FBN2: variants seen among roughly 807,000 people sequenced by gnomAD.
FBN2 encodes the protein fibrillin-2.
A neutral mutation model predicts 355.6 loss-of-function variants in FBN2; 105 were observed. The observed-to-expected ratio is 0.30, with a 90% confidence interval of 0.25 to 0.35. The LOEUF is 0.35. Among genes scored for constraint, FBN2 ranks in the 10% least tolerant of loss-of-function variants. The pLI is 1.00. For missense variants in FBN2, 3,280 were observed against 3,758.7 expected (o/e 0.87, Z 3.33); for synonymous variants, 1,350 against 1,301.2 (o/e 1.04, Z -0.81).
rs933815744 is a variant in FBN2 at position 128,357,182 on chromosome 5, G to T, written c.2674+94C>A. ...CATAATGTGTAATTCTTTGCTTTTT[G>T]GAATCATATTCTGTTTTTATCCGTA... On this transcript the variant is annotated intron_variant, in intron 20 of 64. Transcript: ENST00000262464. 4.7e-6 allele frequency: 7 copies of T among 1,499,350 alleles called. No individual in the cohort carries two copies. The African/African-American group carries it at 9.7e-5, about 21-fold the overall frequency. 92.9% of individuals were successfully genotyped at this position (1,499,350 alleles called of 1,614,324 possible).
intron 7 of FBN2, among the ~76,000 whole-genome samples, chr5:128,432,602 C>A (rs1753654105): frequency 6.6e-6 from 1 of 152,276 alleles, no homozygotes; most frequent in East Asian, 1.9e-4. Flanking sequence ...AAGCCCTGAT[C>A]TAGAAGAACT....
chr5:128,458,326 A>G (rs1754460356), intron 6 of FBN2, among the ~76,000 whole-genome samples: 1 of 152,124 alleles, frequency 6.6e-6, no homozygotes, highest in African/African-American at 2.4e-5. Context: ...TTAGAGGCCT[A>G]TAAAGAGACT....
At position 128,534,761 on chromosome 5, in the gene FBN2, G is replaced by T. The variant is rs542595764; in HGVS notation, c.337+1641C>A. On this transcript the variant is annotated intron_variant, in intron 2 of 64. Coordinates refer to ENST00000262464, the MANE Select transcript of FBN2 (RefSeq NM_001999.4). ...TACTGCAAATATTCTGGAAGGCTCT[G>T]CTCTCTGGAATTCCCATTCCACACT... Among the ~76,000 whole-genome samples, 11 of 152,300 alleles carry T rather than the reference G, an allele frequency of 7.2e-5. 1 individual carries two copies. In the South Asian group the frequency reaches 2.3e-3, roughly 32 times the overall value.
At chr5:128,471,588 T>G (rs917329701) in intron 5 of FBN2, among the ~76,000 whole-genome samples, 19 of 152,256 alleles carry the variant, frequency 1.2e-4, no homozygotes, top group Non-Finnish European at 2.8e-4. Flanking sequence ...GTGCAAATAT[T>G]ATGTACCTGT....
intron 6 of FBN2, among the ~76,000 whole-genome samples, chr5:128,456,869 A>G (rs1215016139): frequency 6.6e-6 from 1 of 152,098 alleles, no homozygotes; most frequent in African/African-American, 2.4e-5. Context: ...AAAATCCTAA[A>G]AACACAAAAG....
intron 19 of FBN2, among the ~76,000 whole-genome samples, chr5:128,358,285 A>G (rs1581239193): frequency 6.6e-6 from 1 of 152,274 alleles, no homozygotes; most frequent in East Asian, 1.9e-4. Flanking sequence ...TTAAAGTGGT[A>G]CACTTTAAAG....
At chr5:128,274,874 C>A (rs888540089) in intron 59 of FBN2, among the ~76,000 whole-genome samples, 191 bp from the exon 60 acceptor site, 1 of 152,124 alleles carries the variant, frequency 6.6e-6, no homozygotes, top group Non-Finnish European at 1.5e-5. Context: ...ATAAATATTA[C>A]GGGCTAGGAT....
intron 8 of FBN2, among the ~76,000 whole-genome samples, chr5:128,399,006 G>C (rs994049939): frequency 3.3e-5 from 5 of 152,082 alleles, no homozygotes; most frequent in East Asian, 3.9e-4. Context: ...GCCCAGTCTC[G>C]GGTATGTCTT....
intron 46 of FBN2, 110 bp from the exon 47 acceptor site, chr5:128,301,620 A>G (rs773688145): frequency 3.9e-6 from 4 of 1,018,250 alleles, no homozygotes; most frequent in Non-Finnish European, 6.1e-6. Context: ...AAGAAATCCC[A>G]TATTACAACT....
intron 56 of FBN2, among the ~76,000 whole-genome samples, chr5:128,279,119 T>G (rs1336111051): frequency 6.6e-6 from 1 of 152,178 alleles, no homozygotes; most frequent in Non-Finnish European, 1.5e-5. Context: ...GACCTACCAT[T>G]TCTGTAGAAT....
chr5:128,309,379 A>G lies in FBN2; in HGVS notation c.5221T>C (p.Tyr1741His). 6.2e-7 allele frequency: 1 copy of G among 1,614,042 alleles called. No homozygotes were observed. The highest frequency in any genetic ancestry group is 8.5e-7 in the Non-Finnish European group (1 of 1,179,894). ...NCMDMRKSFC[Y>H]RSYNGTTCEN... is the part of the protein sequence containing the mutation. ...CAAGTGGTTCCATTATAGCTTCGGT[A>G]GCAAAAGCTTTTTCTCATGTCTATA... The change falls in exon 41 of 65, where the codon TAC (tyrosine) becomes CAC (histidine). Residue 1741 changes from tyrosine (Y) to histidine (H), a missense_variant. Physicochemically the swap from Tyr to His is moderately conservative, Grantham distance 83 (BLOSUM62 2). Around this residue, in one of 6 missense-constraint regions of FBN2, gnomAD observed 2,284 missense variants for 2,749.5 expected, o/e 0.83. Coordinates refer to ENST00000262464, the MANE Select transcript of FBN2 (RefSeq NM_001999.4).
intron 47 of FBN2, among the ~76,000 whole-genome samples, 164 bp downstream of exon 47, chr5:128,301,218 T>A (rs1055244168): frequency 9.9e-5 from 15 of 152,236 alleles, no homozygotes; most frequent in African/African-American, 3.6e-4. Flanking sequence ...GACATTCCCA[T>A]TGTTGATACC....
intron 7 of FBN2, among the ~76,000 whole-genome samples, chr5:128,421,695 G>T (rs931928001): frequency 6.6e-6 from 1 of 152,030 alleles, no homozygotes; most frequent in Non-Finnish European, 1.5e-5. Flanking sequence ...AGTCCTAAGG[G>T]GATATATTCA....
chr5:128,499,221 T>C (rs1407822733), intron 5 of FBN2, among the ~76,000 whole-genome samples: 1 of 152,146 alleles, frequency 6.6e-6, no homozygotes, highest in Non-Finnish European at 1.5e-5. Flanking sequence ...TTCAAAATAA[T>C]CTAGTAGTAA....
rs141505866 is a variant in FBN2, at chr5:128,334,825, T to C, written c.3993A>G (p.Leu1331=). ...KTCIDVNECD[L]NSNICMFGEC... Reference sequence around the variant, plus strand: ...CCCCAAACATGCAGATATTTGAATTTAGGTCACATTCATTGACATCTAGAA... The same window carrying C: ...CCCCAAACATGCAGATATTTGAATTCAGGTCACATTCATTGACATCTAGAA... The change falls in exon 31 of 65, where the codon CTA becomes CTG. Residue 1331 remains leucine (L), a synonymous_variant. Transcript: ENST00000262464. 3.7e-5 allele frequency: 59 copies of C among 1,612,544 alleles called. No individual in the cohort carries two copies. The highest frequency in any genetic ancestry group is 4.8e-5 in the Non-Finnish European group (56 of 1,178,640).
intron 62 of FBN2, among the ~76,000 whole-genome samples, chr5:128,270,357 G>A (rs1765236018): frequency 2.0e-5 from 3 of 151,818 alleles, no homozygotes; most frequent in African/African-American, 4.8e-5. Flanking sequence ...GTGAAACCCC[G>A]TTTCTACTAA....
chr5:128,498,007 A>G (rs775460584), intron 5 of FBN2, among the ~76,000 whole-genome samples: 2 of 152,164 alleles, frequency 1.3e-5, no homozygotes, highest in Non-Finnish European at 2.9e-5. Context: ...CTCTGTCCTG[A>G]GGAGGACTGT....
rs763595235 is a variant in FBN2, at chr5:128,335,218, G to A, written c.3925C>T (p.Leu1309Phe). The A allele has an allele frequency of 1.2e-5, 20 of 1,613,982 alleles. No individual in the cohort carries two copies. The highest frequency in any genetic ancestry group is 3.3e-4 in the Middle Eastern group (2 of 6,084). The change falls in exon 30 of 65, where the codon CTC becomes TTC. Residue 1309 changes from leucine (L) to phenylalanine (F), a missense_variant. Coordinates refer to ENST00000262464, the MANE Select transcript of FBN2 (RefSeq NM_001999.4). ...CTNIPGEYRC[L>F]CYDGFMASMD... is the part of the protein sequence containing the mutation. Reference sequence around the variant, plus strand: ...GAAGCCATGAAGCCATCATAGCAGAGGCAGCGATACTCTCCAGGAATGTTG... The same window carrying A: ...GAAGCCATGAAGCCATCATAGCAGAAGCAGCGATACTCTCCAGGAATGTTG...
intron 5 of FBN2, among the ~76,000 whole-genome samples, chr5:128,480,724 C>CAAAT (rs763698450): frequency 5.9e-5 from 9 of 152,076 alleles, no homozygotes; most frequent in African/African-American, 1.9e-4. Context: ...GACTCCTTCT[C>CAAAT]AAATAAATAA....
Sources: gnomAD v4.1 joint callset for allele counts (sites outside exome capture counted in the v4.1 genomes callset) on GRCh38, gnomAD v4.1.1 for gene constraint, gnomAD v4.1.1 regional missense constraint, MANE v1.5 for transcripts, NCBI Gene and HGNC (gene_info 2026-07-23, HGNC 2026-07-21) for gene names.